ARID2: variants seen among roughly 807,000 people sequenced by gnomAD.
ARID2 encodes the protein AT-rich interactive domain-containing protein 2.
A neutral mutation model predicts 184.6 loss-of-function variants in ARID2; 32 were observed. The ratio of observed to expected loss-of-function variants is 0.17; its 90% CI spans 0.13 to 0.23. The LOEUF is 0.23. Ranked by LOEUF, ARID2 falls within the 10% of genes least tolerant of loss-of-function variation. The pLI is 1.00. For synonymous variants in ARID2, 836 were observed against 772.6 expected (o/e 1.08, Z -1.36); for missense variants, 1,696 against 2,197.6 (o/e 0.77, Z 4.56).
Position 45,837,560 on chromosome 12 carries a change from G to A in ARID2, c.1183G>A (p.Val395Met), listed in dbSNP as rs2138131723. ...TAATGGTGTTTTAATTTGTGAATATGTGGATCAGGATTCCTACAGAGAGAT... is the reference window on the plus strand; with the variant it reads ...TAATGGTGTTTTAATTTGTGAATATATGGATCAGGATTCCTACAGAGAGAT... ...EDNGVLICEY[V>M]DQDSYREIIC... The change falls in exon 10 of 21, where the codon GTG (valine) becomes ATG (methionine). Residue 395 changes from valine (V) to methionine (M), a missense_variant. This residue lies in a region of ARID2 where 86 missense variants were observed against 200.8 expected (regional missense o/e 0.43). Coordinates refer to ENST00000334344, the MANE Select transcript of ARID2 (RefSeq NM_152641.4). The A allele has an allele frequency of 6.2e-7, 1 of 1,614,030 alleles. No individual in the cohort carries two copies. The highest frequency in any genetic ancestry group is 8.5e-7 in the Non-Finnish European group (1 of 1,179,990).
At chr12:45,859,390 A>G (rs1565628008) in intron 15 of ARID2, among the ~76,000 whole-genome samples, 1 of 152,212 alleles carries the variant, frequency 6.6e-6, no homozygotes, top group Non-Finnish European at 1.5e-5. Flanking sequence ...AGTACACCGT[A>G]TGGCATTCAC....
intron 4 of ARID2, among the ~76,000 whole-genome samples, chr12:45,812,702 T>G (rs1190596352): frequency 6.6e-6 from 1 of 152,166 alleles, no homozygotes; most frequent in Non-Finnish European, 1.5e-5. Context: ...ATGTGCTCCT[T>G]GTTTCTAAAA....
At chr12:45,786,852 ATCC>A (rs1369989234) in intron 3 of ARID2, among the ~76,000 whole-genome samples, 7 of 152,198 alleles carry the variant, frequency 4.6e-5, no homozygotes, top group African/African-American at 9.6e-5. Flanking sequence ...AGCATGGGTG[ATCC>A]TGGAGGACGT....
chr12:45,870,211 A>G (rs1199065720), intron 16 of ARID2, among the ~76,000 whole-genome samples: 1 of 151,960 alleles, frequency 6.6e-6, no homozygotes, highest in East Asian at 1.9e-4. Flanking sequence ...GATGGTCTCG[A>G]TCTCCTGACT....
intron 3 of ARID2, among the ~76,000 whole-genome samples, chr12:45,750,397 A>G (rs146562344): frequency 5.3e-5 from 8 of 152,350 alleles, no homozygotes; most frequent in African/African-American, 1.9e-4. Flanking sequence ...TATAATAATA[A>G]TAATGAAAAA....
intron 16 of ARID2, among the ~76,000 whole-genome samples, chr12:45,876,589 G>T (rs1373831450): frequency 2.0e-5 from 3 of 148,920 alleles, no homozygotes; most frequent in African/African-American, 7.4e-5. Context: ...AAAAGACACA[G>T]AACATTTACA....
intron 16 of ARID2, among the ~76,000 whole-genome samples, chr12:45,889,575 A>C (rs1944258623): frequency 6.6e-6 from 1 of 152,066 alleles, no homozygotes; most frequent in African/African-American, 2.4e-5. Flanking sequence ...TGTTCTGAAA[A>C]CTCAGTATTT....
At chr12:45,740,043 T>G (rs969073503) in intron 3 of ARID2, among the ~76,000 whole-genome samples, 1 of 152,198 alleles carries the variant, frequency 6.6e-6, no homozygotes, top group Non-Finnish European at 1.5e-5. Context: ...TAGAGTAACT[T>G]GTACCTCCCA....
At chr12:45,845,621 A>G (rs1943426485) in intron 11 of ARID2, among the ~76,000 whole-genome samples, 1 of 152,216 alleles carries the variant, frequency 6.6e-6, no homozygotes. Flanking sequence ...TACAGAGTAT[A>G]TGTTTATTAA....
chr12:45,872,715 A>G (rs1943946000), intron 16 of ARID2, among the ~76,000 whole-genome samples: 1 of 152,228 alleles, frequency 6.6e-6, no homozygotes, highest in Non-Finnish European at 1.5e-5. Context: ...CATATCAATT[A>G]CTATTTAATT....
At chr12:45,771,039 A>G (rs1592065969) in intron 3 of ARID2, among the ~76,000 whole-genome samples, 1 of 152,194 alleles carries the variant, frequency 6.6e-6, no homozygotes, top group African/African-American at 2.4e-5. Context: ...GCGATCCCAC[A>G]TAGTAATTTA....
chr12:45,830,067 TATATAA>T (rs1273891957), intron 6 of ARID2, among the ~76,000 whole-genome samples: 8 of 149,272 alleles, frequency 5.4e-5, no homozygotes, highest in Admixed American at 4.0e-4. Flanking sequence ...TAATTTGAAT[TATATAA>T]ATATATAGAA....
At chr12:45,755,569 T>C (rs74081393) in intron 3 of ARID2, among the ~76,000 whole-genome samples, 3,605 of 152,336 alleles carry the variant, frequency 0.024, 156 homozygotes, top group African/African-American at 0.082. Flanking sequence ...TTCTACTTAC[T>C]AGGAAATTGG....
intron 16 of ARID2, among the ~76,000 whole-genome samples, chr12:45,867,782 G>C (rs1238365808): frequency 6.6e-6 from 1 of 151,712 alleles, no homozygotes; most frequent in African/African-American, 2.4e-5. Flanking sequence ...GTACAGATGG[G>C]GTCTTACTAT....
At chr12:45,873,135 T>C (rs143753682) in intron 16 of ARID2, among the ~76,000 whole-genome samples, 1 of 152,360 alleles carries the variant, frequency 6.6e-6, no homozygotes, top group Non-Finnish European at 1.5e-5. Context: ...AATGCCCCTC[T>C]TGATCCACGA....
chr12:45,821,296 A>T, intron 5 of ARID2, 124 bp from the exon 6 acceptor site: 2 of 489,836 alleles, frequency 4.1e-6, no homozygotes, highest in Non-Finnish European at 7.0e-6. Flanking sequence ...CTATAAAATA[A>T]TTTTTAGTAC....
At chr12:45,763,434 C>T (rs1469322211) in intron 3 of ARID2, among the ~76,000 whole-genome samples, 1 of 151,654 alleles carries the variant, frequency 6.6e-6, no homozygotes, top group Non-Finnish European at 1.5e-5. Flanking sequence ...CGCTCCATTC[C>T]ATTCCAGCCC....
intron 16 of ARID2, among the ~76,000 whole-genome samples, chr12:45,865,919 T>A (rs1943824822): frequency 6.6e-6 from 1 of 152,110 alleles, no homozygotes; most frequent in South Asian, 2.1e-4. Flanking sequence ...TTCATAATTG[T>A]TTTTCTTATT....
intron 15 of ARID2, among the ~76,000 whole-genome samples, chr12:45,859,654 G>GT (rs1444535791): frequency 6.6e-6 from 1 of 152,034 alleles, no homozygotes; most frequent in Non-Finnish European, 1.5e-5. Flanking sequence ...GATTATTAGT[G>GT]TTTTTTCCAA....
Sources: allele counts gnomAD v4.1 joint callset (sites outside exome capture counted in the v4.1 genomes callset), GRCh38; gene constraint gnomAD v4.1.1; regional missense constraint gnomAD v4.1.1; transcripts MANE v1.5; gene names NCBI Gene and HGNC (gene_info 2026-07-23, HGNC 2026-07-21).